ITGA9: variants seen among roughly 807,000 people sequenced by gnomAD.
The protein encoded by ITGA9 is integrin subunit alpha 9, also known as integrin alpha-9.
ITGA9 carries 56 observed loss-of-function variants against 127.8 expected under a neutral mutation model. The observed-to-expected ratio is 0.44, with a 90% CI of 0.35 to 0.55. ITGA9 has a LOEUF of 0.55. Ranked by LOEUF, ITGA9 falls within the 20% of genes least tolerant of loss-of-function variation. The probability of loss-of-function intolerance (pLI) is 0.00; values close to 1 mark genes in which losing one functional copy is unlikely to be tolerated. For missense variants in ITGA9, 1,196 were observed against 1,347.1 expected, an observed-to-expected ratio of 0.89 and a Z score of 1.76; for synonymous variants, 508 against 514.5, an observed-to-expected ratio of 0.99 and a Z score of 0.17.
At chr3:37,522,831 G>A (rs1393057279) in intron 11 of ITGA9, among the ~76,000 whole-genome samples, 1 of 152,180 alleles carries the variant, frequency 6.6e-6, no homozygotes, top group Non-Finnish European at 1.5e-5. Flanking sequence ...GGTTGAGGGG[G>A]CTGTTTTCTA....
intron 15 of ITGA9, among the ~76,000 whole-genome samples, chr3:37,604,913 A>G (rs1699954447): frequency 6.6e-6 from 1 of 152,152 alleles, no homozygotes; most frequent in Admixed American, 6.5e-5. Context: ...TATCAAGTTC[A>G]TTAGTTTATT....
chr3:37,658,714 T>C (rs1279314166), intron 17 of ITGA9, among the ~76,000 whole-genome samples: 1 of 152,208 alleles, frequency 6.6e-6, no homozygotes, highest in Non-Finnish European at 1.5e-5. Flanking sequence ...ATGTGTGAAT[T>C]TGACCCTTTC....
At chr3:37,512,677 A>G (rs1698945062) in intron 8 of ITGA9, among the ~76,000 whole-genome samples, 1 of 151,924 alleles carries the variant, frequency 6.6e-6, no homozygotes, top group African/African-American at 2.4e-5. Context: ...AAAGTTTTAA[A>G]TTTTTGGCTT....
At chr3:37,722,821 T>C (rs886693417) in intron 18 of ITGA9, among the ~76,000 whole-genome samples, 2 of 152,262 alleles carry the variant, frequency 1.3e-5, no homozygotes, top group African/African-American at 4.8e-5. Flanking sequence ...TTTATTTCTC[T>C]TGGGTACATA....
At chr3:37,633,121 G>C (rs1700243170) in intron 16 of ITGA9, among the ~76,000 whole-genome samples, 1 of 152,228 alleles carries the variant, frequency 6.6e-6, no homozygotes, top group South Asian at 2.1e-4. Flanking sequence ...AGTCTATTGA[G>C]AAGAGGAGAT....
chr3:37,514,180 G>C (rs1389609692), intron 9 of ITGA9, among the ~76,000 whole-genome samples: 3 of 152,294 alleles, frequency 2.0e-5, no homozygotes, highest in Middle Eastern at 3.4e-3. Context: ...TTCTGCGAGA[G>C]ATTTCTATGC....
intron 3 of ITGA9, among the ~76,000 whole-genome samples, chr3:37,474,714 C>G (rs900280482): frequency 6.6e-6 from 1 of 152,182 alleles, no homozygotes; most frequent in Non-Finnish European, 1.5e-5. Context: ...GTTATAAAAG[C>G]GTAAGCTCAA....
chr3:37,593,863 A>G (rs1033275070), intron 15 of ITGA9, among the ~76,000 whole-genome samples: 2 of 145,630 alleles, frequency 1.4e-5, no homozygotes, highest in Non-Finnish European at 3.0e-5. Flanking sequence ...CCTCGTGTGG[A>G]CACAACTTCC....
At chr3:37,527,513 A>G (rs1323178696) in intron 13 of ITGA9, among the ~76,000 whole-genome samples, 3 of 152,166 alleles carry the variant, frequency 2.0e-5, no homozygotes, top group African/African-American at 7.2e-5. Flanking sequence ...CCAAGTGGTG[A>G]CTTCACTAAG....
At chr3:37,590,730 G>C (rs185635875) in intron 15 of ITGA9, among the ~76,000 whole-genome samples, 124 of 151,616 alleles carry the variant, frequency 8.2e-4, no homozygotes, top group Non-Finnish European at 1.5e-3. Context: ...GGGCCCTAGT[G>C]GGGGATGGAT....
intron 15 of ITGA9, among the ~76,000 whole-genome samples, chr3:37,626,665 ACT>A (rs2125634088): frequency 6.6e-6 from 1 of 152,248 alleles, no homozygotes; most frequent in African/African-American, 2.4e-5. Context: ...ACAGAGCAAG[ACT>A]CTGTCTCAAA....
At chr3:37,671,112 G>A (rs73824866) in intron 17 of ITGA9, among the ~76,000 whole-genome samples, 58 of 152,340 alleles carry the variant, frequency 3.8e-4, no homozygotes, top group African/African-American at 9.9e-4. Context: ...TTGGACCTCC[G>A]AGCAGCCTGC....
chr3:37,527,119 C>T (rs1699101407), intron 13 of ITGA9, among the ~76,000 whole-genome samples: 1 of 152,214 alleles, frequency 6.6e-6, no homozygotes, highest in Non-Finnish European at 1.5e-5. Flanking sequence ...GGATTCTCCT[C>T]TGTTGGCCAG....
intron 3 of ITGA9, among the ~76,000 whole-genome samples, chr3:37,479,790 G>T (rs1698533070): frequency 6.6e-6 from 1 of 152,150 alleles, no homozygotes; most frequent in African/African-American, 2.4e-5. Flanking sequence ...TTCCAGTGCT[G>T]TTTGCAGCAC....
intron 26 of ITGA9, among the ~76,000 whole-genome samples, chr3:37,792,701 T>A (rs1468981008): frequency 6.6e-6 from 1 of 152,052 alleles, no homozygotes; most frequent in Admixed American, 6.5e-5. Context: ...CATGATCCAG[T>A]GTATGTTCTT....
At chr3:37,586,224 C>T (rs1031331043) in intron 15 of ITGA9, among the ~76,000 whole-genome samples, 3 of 152,172 alleles carry the variant, frequency 2.0e-5, no homozygotes, top group East Asian at 1.9e-4. Flanking sequence ...GAAGCAAAGA[C>T]GTAGAAACCG....
At chr3:37,671,845 A>G (rs1173989842) in intron 17 of ITGA9, among the ~76,000 whole-genome samples, 2 of 152,218 alleles carry the variant, frequency 1.3e-5, no homozygotes, top group Non-Finnish European at 2.9e-5. Flanking sequence ...TACATGGCAT[A>G]GTAACTCACT....
At chr3:37,720,617 T>G (rs1052241561) in intron 18 of ITGA9, among the ~76,000 whole-genome samples, 1 of 152,198 alleles carries the variant, frequency 6.6e-6, no homozygotes, top group African/African-American at 2.4e-5. Flanking sequence ...ACTTCCTGAG[T>G]GAGCATCAAA....
intron 18 of ITGA9, among the ~76,000 whole-genome samples, chr3:37,704,895 G>A (rs1286898420): frequency 1.3e-5 from 2 of 152,112 alleles, no homozygotes; most frequent in Non-Finnish European, 2.9e-5. Flanking sequence ...CCTTATTTTT[G>A]TTTTGTTTTA....
Sources: gnomAD v4.1 joint callset for allele counts (sites outside exome capture counted in the v4.1 genomes callset) on GRCh38, gnomAD v4.1.1 for gene constraint, MANE v1.5 for transcripts, NCBI Gene and HGNC (gene_info 2026-07-23, HGNC 2026-07-21) for gene names.